The following ABCA4 variants were observed in gnomAD, a reference collection of about 807,000 sequenced individuals.
ABCA4 encodes the protein ATP binding cassette subfamily A member 4, also known as retinal-specific phospholipid-transporting ATPase ABCA4.
In ABCA4, 196 loss-of-function variants were observed where a neutral mutation model predicts 263.7. The ratio of observed to expected loss-of-function variants is 0.74; its 90% confidence interval spans 0.66 to 0.84. The LOEUF is 0.84. ABCA4 is among the 40% of genes least tolerant of loss of function. The pLI is 0.00. For synonymous variants in ABCA4, 1,133 were observed against 1,094.2 expected (o/e 1.04, Z -0.70); for missense variants, 2,792 against 2,855.1 (o/e 0.98, Z 0.50).
chr1:94,058,245 G>C (rs1219606213), intron 14 of ABCA4, among the ~76,000 whole-genome samples: 2 of 152,218 alleles, frequency 1.3e-5, no homozygotes, highest in African/African-American at 4.8e-5. Flanking sequence ...TCCTGATTTT[G>C]TGTGTCACCC....
chr1:94,115,921 C>T (rs372834538), intron 1 of ABCA4, among the ~76,000 whole-genome samples: 13 of 152,122 alleles, frequency 8.5e-5, no homozygotes, highest in African/African-American at 2.4e-4. Flanking sequence ...AGCCACACAC[C>T]GTCCCCTGCT....
chr1:94,112,104 G>A (rs1235402506), intron 2 of ABCA4, among the ~76,000 whole-genome samples: 1 of 152,280 alleles, frequency 6.6e-6, no homozygotes, highest in South Asian at 2.1e-4. Context: ...AAGAATAGAG[G>A]ACTGGGCAGA....
In ABCA4 at chr1:94,111,548, T is replaced by C; in HGVS notation, c.192A>G (p.Ala64=). ...TCCCCTGGAGCCACGGCAGCATTCC[T>C]GCTGAGGGCATCGCCTTGTTGGGGA... The part of the protein sequence containing the change: ...CHFPNKAMPS[A]GMLPWLQGIF... Residue 64 remains alanine (A), a synonymous_variant, in exon 3 of 50, where the codon GCA becomes GCG. Transcript: ENST00000370225. 1 of 1,614,232 alleles carries C rather than the reference T, an allele frequency of 6.2e-7. No homozygotes were observed. Among genetic ancestry groups the C allele is most frequent in the Non-Finnish European group, 8.5e-7 (1 of 1,180,030 alleles).
chr1:94,083,432 G>A lies in ABCA4; in HGVS notation c.778C>T (p.Leu260Phe), dbSNP rs1187040111. The A allele has an allele frequency of 6.2e-7, 1 of 1,613,282 alleles. No individual in the cohort carries two copies. The highest frequency in any genetic ancestry group is 8.5e-7 in the Non-Finnish European group (1 of 1,179,488). The change falls in exon 7 of 50, where the codon CTC (leucine) becomes TTC (phenylalanine). Residue 260 changes from leucine to phenylalanine, a missense_variant. Transcript: ENST00000370225. ...ATACCTTGAGAACGGCTGTCTAGGAGTGTGGGAAGCTGTAATTGACAGTAA... is the reference window on the plus strand; with the variant it reads ...ATACCTTGAGAACGGCTGTCTAGGAATGTGGGAAGCTGTAATTGACAGTAA... Reference protein sequence around the residue: ...FFKLFRVLPTLLDSRSQGINL... With the variant: ...FFKLFRVLPTFLDSRSQGINL...
chr1:94,099,510 C>G lies in ABCA4; in HGVS notation c.571-519G>C, dbSNP rs138316577. Among the ~76,000 whole-genome samples, 988 of 152,268 alleles carry G rather than the reference C, an allele frequency of 6.5e-3. 9 individuals carry two copies. The highest frequency in any genetic ancestry group is 0.022 in the African/African-American group (921 of 41,522). On this transcript the variant is annotated intron_variant, in intron 5 of 49. Coordinates refer to ENST00000370225, the MANE Select transcript of ABCA4 (RefSeq NM_000350.3). The stretch of plus-strand genomic sequence containing the variant: ...CAGGAAACCAATACAATCCCCATAC[C>G]TCATCTTATCAGAGTGCCATTTACA...
intron 1 of ABCA4, among the ~76,000 whole-genome samples, chr1:94,116,986 C>CTTTCTTTA (rs1298382963): frequency 9.0e-6 from 1 of 110,774 alleles, no homozygotes; most frequent in Admixed American, 9.2e-5. Flanking sequence ...TTCTTTCTTT[C>CTTTCTTTA]TTTCTTTCTT....
At chr1:94,020,070 A>G (rs1404419888) in intron 35 of ABCA4, among the ~76,000 whole-genome samples, 1 of 152,190 alleles carries the variant, frequency 6.6e-6, no homozygotes, top group Non-Finnish European at 1.5e-5. Context: ...ATGTACTGCA[A>G]TGCTCTCATT....
intron 47 of ABCA4, 112 bp from the exon 48 acceptor site, chr1:93,998,222 G>T: frequency 6.9e-7 from 1 of 1,443,718 alleles, no homozygotes; most frequent in Non-Finnish European, 9.6e-7. Context: ...TCAGCTTGGT[G>T]GCTCACACCT....
chr1:94,037,006 C>T (rs1017816743), intron 25 of ABCA4, 139 bp downstream of exon 25: 1 of 1,015,196 alleles, frequency 9.9e-7, no homozygotes, highest in African/African-American at 1.6e-5. Context: ...GGAACTATGC[C>T]AAAAATAAAG....
chr1:94,021,563 A>T, intron 34 of ABCA4, 77 bp downstream of exon 34: 1 of 1,507,340 alleles, frequency 6.6e-7, no homozygotes, highest in East Asian at 2.3e-5. Context: ...AATTTAATGA[A>T]GGTAGGAAAG....
intron 49 of ABCA4, among the ~76,000 whole-genome samples, chr1:93,994,925 T>C (rs1389001572): frequency 1.3e-5 from 2 of 152,240 alleles, no homozygotes; most frequent in African/African-American, 2.4e-5. Context: ...TTGGTAATTC[T>C]GGGAAACAAT....
rs116424413 is a variant in ABCA4 at position 94,063,515 on chromosome 1, A to G, written c.1555-198T>C. Among the ~76,000 whole-genome samples the G allele has an allele frequency of 2.7e-3, 417 of 152,310 alleles. 2 individuals carry two copies. Among genetic ancestry groups the G allele is most frequent in the African/African-American group, 9.7e-3 (402 of 41,574 alleles). Reference sequence around the variant, plus strand: ...GTGTCCAGATGTAGGGGCGCCAGAGAGCTTGGAAGTGCTGACGTGCTCTTA... The same window carrying G: ...GTGTCCAGATGTAGGGGCGCCAGAGGGCTTGGAAGTGCTGACGTGCTCTTA... On this transcript the variant is annotated intron_variant, in intron 11 of 49. Transcript: ENST00000370225.
rs767312869 is a variant in ABCA4 at position 94,024,953 on chromosome 1, C to T, written c.4634+1G>A. 3.7e-6 allele frequency: 6 copies of T among 1,611,478 alleles called. No homozygotes were observed. The stretch of plus-strand genomic sequence containing the variant: ...AAAAGCATAAAAGGATTTCTTCTTA[C>T]CTGCTTCTTATAAGAGCAGGATACG... On this transcript the variant is annotated splice_donor_variant, in intron 31 of 49. Coordinates refer to ENST00000370225, the MANE Select transcript of ABCA4 (RefSeq NM_000350.3). LOFTEE classifies it high-confidence loss of function.
intron 6 of ABCA4, among the ~76,000 whole-genome samples, chr1:94,085,618 C>T (rs146691697): frequency 1.1e-4 from 17 of 152,290 alleles, no homozygotes; most frequent in African/African-American, 2.2e-4. Context: ...CCAGTCATGT[C>T]GCTTTCCCTG....
At chr1:94,112,855 G>T (rs1358933652) in intron 2 of ABCA4, 118 bp downstream of exon 2, 9 of 784,042 alleles carry the variant, frequency 1.1e-5, no homozygotes, top group Non-Finnish European at 2.1e-5. Flanking sequence ...ATGCATCATA[G>T]ACATGAAATG....
rs143223891 is a variant in ABCA4 at position 94,032,327 on chromosome 1, G to A, written c.3863-284C>T. Among the ~76,000 whole-genome samples the A allele has an allele frequency of 2.5e-4, 38 of 152,250 alleles. No homozygotes were observed. The East Asian group carries it at 6.8e-3, about 27-fold the overall frequency. ...ATTGACATGGAGAAGTTTAAAATACGTAACTTGGTTAATAAAAAAACAAAA... is the reference window on the plus strand; with the variant it reads ...ATTGACATGGAGAAGTTTAAAATACATAACTTGGTTAATAAAAAAACAAAA... On this transcript the variant is annotated intron_variant, in intron 26 of 49. Coordinates refer to ENST00000370225, the MANE Select transcript of ABCA4 (RefSeq NM_000350.3).
At chr1:94,012,192 C>T (rs533672575) in intron 38 of ABCA4, among the ~76,000 whole-genome samples, 11 of 152,310 alleles carry the variant, frequency 7.2e-5, no homozygotes, top group Admixed American at 6.5e-4. Flanking sequence ...TCCACACCTG[C>T]GCCCACATTA....
chr1:94,014,365 G>A (rs1022860717), intron 38 of ABCA4, among the ~76,000 whole-genome samples, 178 bp downstream of exon 38: 3 of 136,816 alleles, frequency 2.2e-5, no homozygotes, highest in Admixed American at 2.1e-4. Context: ...GAAAGAGGAA[G>A]GAAGGATGGG....
At chr1:94,024,758 ATTAATC>A (rs1481644255) in intron 31 of ABCA4, among the ~76,000 whole-genome samples, 190 bp downstream of exon 31, 1 of 152,236 alleles carries the variant, frequency 6.6e-6, no homozygotes, top group Non-Finnish European at 1.5e-5. Flanking sequence ...CAAAAAAAGA[ATTAATC>A]TTAAGTTACA....
Sources: gnomAD v4.1 joint callset for allele counts (sites outside exome capture counted in the v4.1 genomes callset) on GRCh38, gnomAD v4.1.1 for gene constraint, MANE v1.5 for transcripts, NCBI Gene and HGNC (gene_info 2026-07-23, HGNC 2026-07-21) for gene names.